Variants in PLCXD3 observed in about 807,000 individuals in gnomAD.
PLCXD3 encodes the protein phosphatidylinositol specific phospholipase C X domain containing 3, also known as PI-PLC X domain-containing protein 3.
In PLCXD3, 19 loss-of-function variants were observed where a neutral mutation model predicts 25.5. That is an observed-to-expected ratio of 0.75 (90% confidence interval 0.52 to 1.09). The LOEUF (loss-of-function observed/expected upper bound fraction) is 1.09, where lower values mean the gene tolerates loss of function less well. Ranked by LOEUF, PLCXD3 falls within the 50% of genes least tolerant of loss-of-function variation. The pLI is 0.00. For synonymous variants in PLCXD3, 174 were observed against 137.6 expected, an observed-to-expected ratio of 1.26 and a Z score of -1.85; for missense variants, 411 against 388.1, an observed-to-expected ratio of 1.06 and a Z score of -0.50.
intron 1 of PLCXD3, among the ~76,000 whole-genome samples, chr5:41,408,912 G>T (rs1746434671): frequency 6.6e-6 from 1 of 152,212 alleles, no homozygotes. Context: ...GTCCATAACA[G>T]AGATGTGGCA....
chr5:41,351,851 T>A (rs995438758), intron 2 of PLCXD3, among the ~76,000 whole-genome samples: 3 of 152,228 alleles, frequency 2.0e-5, no homozygotes, highest in African/African-American at 4.8e-5. Context: ...CTTATATTAT[T>A]TTTCAATTAA....
intron 1 of PLCXD3, chr5:41,456,596 CA>C: frequency 4.7e-6 from 4 of 844,562 alleles, no homozygotes; most frequent in Non-Finnish European, 5.7e-6. Context: ...CCTGACACTC[CA>C]AATTCATATG....
intron 2 of PLCXD3, among the ~76,000 whole-genome samples, chr5:41,325,868 T>C (rs1445947290): frequency 6.6e-6 from 1 of 152,232 alleles, no homozygotes; most frequent in Non-Finnish European, 1.5e-5. Flanking sequence ...AAGATCAATG[T>C]GCTAGTAGAT....
intron 1 of PLCXD3, among the ~76,000 whole-genome samples, chr5:41,438,163 A>G (rs968447695): frequency 6.6e-6 from 1 of 152,188 alleles, no homozygotes; most frequent in South Asian, 2.1e-4. Flanking sequence ...ACTGCCACCA[A>G]CTTAGAACAG....
chr5:41,453,368 T>A (rs375088704), intron 1 of PLCXD3, among the ~76,000 whole-genome samples: 6 of 151,718 alleles, frequency 4.0e-5, no homozygotes, highest in Admixed American at 6.6e-5. Flanking sequence ...TTTTTTTTTT[T>A]AATGACCGCA....
intron 1 of PLCXD3, among the ~76,000 whole-genome samples, chr5:41,419,555 T>TA (rs985273483): frequency 4.6e-5 from 7 of 151,898 alleles, no homozygotes; most frequent in East Asian, 1.9e-4. Flanking sequence ...ATGAAGCAAT[T>TA]AAAAAAAATA....
intron 1 of PLCXD3, among the ~76,000 whole-genome samples, chr5:41,398,597 C>A (rs771620085): frequency 2.0e-5 from 3 of 152,048 alleles, no homozygotes; most frequent in African/African-American, 4.8e-5. Context: ...CAACATGGTA[C>A]GTCATATCAA....
intron 1 of PLCXD3, among the ~76,000 whole-genome samples, chr5:41,421,769 TTA>T (rs1433680151): frequency 8.4e-6 from 1 of 119,116 alleles, no homozygotes; most frequent in Non-Finnish European, 1.9e-5. Flanking sequence ...AATGGAAAGC[TTA>T]AATATACGCA....
chr5:41,501,350 A>G (rs1338141325), intron 1 of PLCXD3, among the ~76,000 whole-genome samples: 1 of 152,062 alleles, frequency 6.6e-6, no homozygotes, highest in African/African-American at 2.4e-5. Flanking sequence ...ATGTACTATT[A>G]TTCAGTCATA....
intron 1 of PLCXD3, among the ~76,000 whole-genome samples, chr5:41,440,295 C>T (rs182789840): frequency 0.013 from 1,537 of 122,594 alleles, 14 homozygotes; most frequent in Middle Eastern, 0.021. Context: ...TGCAGTGGCA[C>T]GATCTTGGCT....
At chr5:41,391,498 C>G (rs551684617) in intron 1 of PLCXD3, among the ~76,000 whole-genome samples, 38 of 152,272 alleles carry the variant, frequency 2.5e-4, no homozygotes, top group African/African-American at 7.5e-4. Context: ...AGATGTAGTT[C>G]TGCCGGCATT....
chr5:41,355,057 A>G (rs1744579458), intron 2 of PLCXD3, among the ~76,000 whole-genome samples: 1 of 152,164 alleles, frequency 6.6e-6, no homozygotes, highest in Admixed American at 6.5e-5. Flanking sequence ...TTCCATCTGA[A>G]TATAGACACA....
chr5:41,464,196 C>G (rs189976167), intron 1 of PLCXD3, among the ~76,000 whole-genome samples: 20 of 152,066 alleles, frequency 1.3e-4, no homozygotes, highest in African/African-American at 4.8e-4. Flanking sequence ...CTGAAGAGCT[C>G]TGTAATCTAT....
In PLCXD3 at chr5:41,510,446, G is replaced by C. The variant is rs761945535; in HGVS notation, c.81C>G (p.Pro27=). The change falls in exon 1 of 3, where the codon CCC becomes CCG. Residue 27 remains proline, a synonymous_variant. Coordinates refer to ENST00000377801, the MANE Select transcript of PLCXD3 (RefSeq NM_001005473.3). Reference sequence around the variant, plus strand: ...TACCTGGAATGGCTAAATTGGTGAGGGGGATGCTGTGCATGCTCTCCGGCA... The same window carrying C: ...TACCTGGAATGGCTAAATTGGTGAGCGGGATGCTGTGCATGCTCTCCGGCA... ...ATLPESMHSI[P]LTNLAIPGSH... The C allele has an allele frequency of 6.2e-7, 1 of 1,610,114 alleles. No individual in the cohort carries two copies. The highest frequency in any genetic ancestry group is 1.1e-5 in the South Asian group (1 of 90,576).
chr5:41,391,560 T>A (rs891368444), intron 1 of PLCXD3, among the ~76,000 whole-genome samples: 1 of 152,194 alleles, frequency 6.6e-6, no homozygotes, highest in Non-Finnish European at 1.5e-5. Context: ...AGCAGTGATA[T>A]CCGGGTACTA....
intron 1 of PLCXD3, among the ~76,000 whole-genome samples, chr5:41,493,961 C>G (rs1009433309): frequency 6.6e-6 from 1 of 152,234 alleles, no homozygotes; most frequent in Admixed American, 6.5e-5. Flanking sequence ...CGCCCACTGT[C>G]TGGCACTCCC....
At chr5:41,504,692 C>T (rs1330963518) in intron 1 of PLCXD3, among the ~76,000 whole-genome samples, 1 of 152,164 alleles carries the variant, frequency 6.6e-6, no homozygotes, top group Non-Finnish European at 1.5e-5. Context: ...CACAGTTTCT[C>T]TATATGTCAA....
At chr5:41,430,676 G>A (rs764208666) in intron 1 of PLCXD3, among the ~76,000 whole-genome samples, 4 of 152,166 alleles carry the variant, frequency 2.6e-5, no homozygotes, top group Non-Finnish European at 4.4e-5. Flanking sequence ...TTATTATTTA[G>A]TGTCATTCCC....
intron 2 of PLCXD3, among the ~76,000 whole-genome samples, chr5:41,335,583 A>G (rs1287041442): frequency 6.6e-6 from 1 of 152,152 alleles, no homozygotes; most frequent in Non-Finnish European, 1.5e-5. Context: ...AAAAATATGC[A>G]TTTATTAAGA....
Sources: allele counts gnomAD v4.1 joint callset (sites outside exome capture counted in the v4.1 genomes callset), GRCh38; gene constraint gnomAD v4.1.1; transcripts MANE v1.5; gene names NCBI Gene and HGNC (gene_info 2026-07-23, HGNC 2026-07-21).